LRIG3: variants seen among roughly 807,000 people sequenced by gnomAD.
LRIG3 encodes the protein leucine-rich repeats and immunoglobulin-like domains protein 3.
In LRIG3, 76 loss-of-function variants were observed where a neutral mutation model predicts 114.5. The observed-to-expected ratio is 0.66, with a 90% CI of 0.55 to 0.80. The LOEUF (loss-of-function observed/expected upper bound fraction) is 0.80. LRIG3 is among the 30% of genes least tolerant of loss of function. The probability of loss-of-function intolerance (pLI) is 0.00; values close to 1 mark genes in which losing one functional copy is unlikely to be tolerated. For missense variants in LRIG3, 1,239 were observed against 1,382.8 expected (o/e 0.90, Z 1.65); for synonymous variants, 512 against 519.8 (o/e 0.98, Z 0.20).
In LRIG3 at chr12:58,890,007, T is replaced by C. The variant is rs760668612; in HGVS notation, c.648A>G (p.Gln216=). 2 of 1,613,608 alleles carry C rather than the reference T, an allele frequency of 1.2e-6. No homozygotes were observed. The highest frequency in any genetic ancestry group is 1.7e-6 in the Non-Finnish European group (2 of 1,179,688). ...GACATTTTACTTACAGATGTTGCAG[T>C]TGGGGCAGTTTAAACATCTTGGGTG... ...AIPPKMFKLP[Q]LQHLELNRNK... is the part of the protein sequence containing the mutation. The change falls in exon 5 of 19, where the codon CAA becomes CAG. Residue 216 remains glutamine (Q), a synonymous_variant. Coordinates refer to ENST00000320743, the MANE Select transcript of LRIG3 (RefSeq NM_153377.5).
At chr12:58,915,021 TACTC>T (rs201234315) in intron 1 of LRIG3, among the ~76,000 whole-genome samples, 3 of 152,196 alleles carry the variant, frequency 2.0e-5, no homozygotes, top group African/African-American at 4.8e-5. Flanking sequence ...ATGTGCTTCT[TACTC>T]AATAACTCAA....
At chr12:58,884,459 A>G (rs1320361198) in intron 10 of LRIG3, among the ~76,000 whole-genome samples, 1 of 152,212 alleles carries the variant, frequency 6.6e-6, no homozygotes, top group African/African-American at 2.4e-5. Context: ...ATCAAGGAAG[A>G]TTTAAGAAAA....
At chr12:58,899,783 G>C (rs551358145) in intron 3 of LRIG3, among the ~76,000 whole-genome samples, 1 of 152,222 alleles carries the variant, frequency 6.6e-6, no homozygotes, top group South Asian at 2.1e-4. Context: ...GCTGTGTGTG[G>C]TATGGGCTTG....
intron 10 of LRIG3, among the ~76,000 whole-genome samples, chr12:58,885,532 G>T (rs1262790808): frequency 8.2e-5 from 12 of 146,802 alleles, no homozygotes; most frequent in East Asian, 4.0e-4. Flanking sequence ...CTAGTAGTTT[G>T]TTTTTTTTTT....
At chr12:58,899,044 A>G (rs1871747787) in intron 3 of LRIG3, among the ~76,000 whole-genome samples, 1 of 152,200 alleles carries the variant, frequency 6.6e-6, no homozygotes, top group Non-Finnish European at 1.5e-5. Flanking sequence ...AGTGTTTTGT[A>G]AACTTTAGCA....
Position 58,920,262 on chromosome 12 carries a change from C to A in LRIG3, c.-27G>T. 3 of 1,317,098 alleles carry A rather than the reference C, an allele frequency of 2.3e-6. No individual in the cohort carries two copies. The highest frequency in any genetic ancestry group is 2.9e-6 in the Non-Finnish European group (3 of 1,037,862). 81.6% of individuals were successfully genotyped at this position (1,317,098 alleles called of 1,614,324 possible). On this transcript the variant is annotated 5_prime_UTR_variant, in exon 1 of 19. Transcript: ENST00000320743. ...GCGGTCCAGCGGCCTAGGTCTCTAC[C>A]CGAAGCTCCCAGCCGGCGCGCGCTC...
At chr12:58,902,546 T>G (rs1318024669) in intron 3 of LRIG3, among the ~76,000 whole-genome samples, 2 of 152,092 alleles carry the variant, frequency 1.3e-5, no homozygotes, top group Non-Finnish European at 2.9e-5. Context: ...GTGTTTATAT[T>G]TATAATTGCC....
At chr12:58,892,410 A>G (rs1320450437) in intron 3 of LRIG3, among the ~76,000 whole-genome samples, 1 of 152,206 alleles carries the variant, frequency 6.6e-6, no homozygotes, top group Non-Finnish European at 1.5e-5. Flanking sequence ...AACTTACAAA[A>G]TATATCTTGT....
intron 1 of LRIG3, among the ~76,000 whole-genome samples, chr12:58,915,833 T>C (rs374612922): frequency 6.6e-5 from 10 of 152,216 alleles, no homozygotes; most frequent in African/African-American, 2.2e-4. Flanking sequence ...ACAAAACCTG[T>C]GTGCTTTTAG....
At chr12:58,878,760 A>C in intron 14 of LRIG3, 64 bp downstream of exon 14, 1 of 1,530,684 alleles carries the variant, frequency 6.5e-7, no homozygotes, top group Admixed American at 1.8e-5. Flanking sequence ...ATACTTAGGG[A>C]CCTTGGATGA....
chr12:58,919,413 G>C, intron 1 of LRIG3: 1 of 1,551,610 alleles, frequency 6.4e-7, no homozygotes, highest in East Asian at 2.4e-5. Flanking sequence ...TCTGGTTGAG[G>C]AGTGGGAACT....
chr12:58,879,333 G>C (rs1419852537), intron 13 of LRIG3, among the ~76,000 whole-genome samples: 1 of 152,228 alleles, frequency 6.6e-6, no homozygotes, highest in Non-Finnish European at 1.5e-5. Flanking sequence ...GGATAAAACA[G>C]AGGTCATCTG....
At chr12:58,880,053 T>G (rs1871067118) in intron 13 of LRIG3, among the ~76,000 whole-genome samples, 1 of 152,122 alleles carries the variant, frequency 6.6e-6, no homozygotes, top group South Asian at 2.1e-4. Flanking sequence ...AGCCAGCACT[T>G]TGTGAGGCCA....
At chr12:58,909,070 T>C (rs1346203427) in intron 3 of LRIG3, among the ~76,000 whole-genome samples, 1 of 152,168 alleles carries the variant, frequency 6.6e-6, no homozygotes, top group African/African-American at 2.4e-5. Context: ...CTGATTCAAG[T>C]ATCTTCCTCC....
Position 58,887,930 on chromosome 12 carries a change from T to A in LRIG3, c.950A>T (p.Asp317Val), listed in dbSNP as rs753413295. Residue 317 changes from aspartate (D) to valine (V), a missense_variant and splice_region_variant, in exon 8 of 19, where the codon GAC becomes GTC. By Grantham distance (152) the Asp-to-Val change is radical (BLOSUM62 -3). Coordinates refer to ENST00000320743, the MANE Select transcript of LRIG3 (RefSeq NM_153377.5). ...CCTTGATAAGTGATTGAAAGTTAGG[T>A]CCCTGTAAAGAAAAAAGAGAAAAGC... ...WEFCQKLSELDLTFNHLSRLD... is the reference protein window; with the variant it reads ...WEFCQKLSELVLTFNHLSRLD... The A allele has an allele frequency of 1.2e-6, 2 of 1,607,066 alleles. No homozygotes were observed. The highest frequency in any genetic ancestry group is 1.3e-5 in the African/African-American group (1 of 74,604).
chr12:58,879,209 C>A, intron 13 of LRIG3, 104 bp from the exon 14 acceptor site: 1 of 1,321,352 alleles, frequency 7.6e-7, no homozygotes, highest in Non-Finnish European at 1.0e-6. Flanking sequence ...TACAGATTGT[C>A]CCTGACATAG....
rs143747866 is a variant in LRIG3, at chr12:58,904,965, A to G, written c.383+9017T>C. Among the ~76,000 whole-genome samples, 48 of 152,352 alleles carry G rather than the reference A, an allele frequency of 3.2e-4. 1 individual carries two copies. In the East Asian group the frequency reaches 9.2e-3, roughly 29 times the overall value. On this transcript the variant is annotated intron_variant, in intron 3 of 18. Transcript: ENST00000320743. The stretch of plus-strand genomic sequence containing the variant: ...TATAATAAAGAAGATATAAAAATGT[A>G]TAAGGGGAAACCTAAGAGTCTGATT...
Position 58,919,389 on chromosome 12 carries a change from A to T in LRIG3, c.236+611T>A, listed in dbSNP as rs1261312008. The T allele has an allele frequency of 1.0e-5, 16 of 1,551,262 alleles. No individual in the cohort carries two copies. The Admixed American group carries it at 3.1e-4, about 30-fold the overall frequency. Reference sequence around the variant, plus strand: ...AGTTCCGCCCTTTCCATAGCTACCGACCAGTCTTTACAATCTGGTTGAGGA... The same window carrying T: ...AGTTCCGCCCTTTCCATAGCTACCGTCCAGTCTTTACAATCTGGTTGAGGA... On this transcript the variant is annotated intron_variant, in intron 1 of 18. Transcript: ENST00000320743.
chr12:58,890,645 C>T lies in LRIG3; in HGVS notation c.515+20G>A, dbSNP rs774969495. 2 of 1,542,788 alleles carry T rather than the reference C, an allele frequency of 1.3e-6. No homozygotes were observed. Among genetic ancestry groups the T allele is most frequent in the Admixed American group, 2.1e-5 (1 of 47,152 alleles). On this transcript the variant is annotated intron_variant, in intron 4 of 18. Transcript: ENST00000320743. ...TTTTCATTACAGGTGAAAGTTTTTG[C>T]TAAAGAAAACTTCACTTACAGATAT...
Sources: gnomAD v4.1 joint callset for allele counts (sites outside exome capture counted in the v4.1 genomes callset) on GRCh38, gnomAD v4.1.1 for gene constraint, MANE v1.5 for transcripts, NCBI Gene and HGNC (gene_info 2026-07-23, HGNC 2026-07-21) for gene names.